RARA: variants seen among roughly 807,000 people sequenced by gnomAD.
RARA encodes the protein PML-DDX5-RARA fusion.
RARA carries 5 observed loss-of-function variants against 42.8 expected under a neutral mutation model. The observed-to-expected ratio is 0.12, with a 90% CI of 0.06 to 0.25. RARA has a LOEUF of 0.25. Ranked by LOEUF, RARA falls within the 10% of genes least tolerant of loss-of-function variation. RARA has a pLI of 1.00. For synonymous variants in RARA, 256 were observed against 259.5 expected, an observed-to-expected ratio of 0.99 and a Z score of 0.13; for missense variants, 402 against 628.7, an observed-to-expected ratio of 0.64 and a Z score of 3.86.
In RARA at chr17:40,355,134, C is replaced by A. The variant is rs1400650949; in HGVS notation, c.1013-129C>A. On this transcript the variant is annotated intron_variant, in intron 7 of 8. Coordinates refer to ENST00000254066, the MANE Select transcript of RARA (RefSeq NM_000964.4). This position sits in a 1 kb window ranked among gnomAD's most constrained non-coding sequence, Gnocchi z 4.1. ...CCCTGCGGCAGCAGAGACCCCATGC[C>A]CTGCCCTGTGTGGGGAGGCGCCTGC... is the stretch of plus-strand genomic sequence containing the variant. The A allele has an allele frequency of 5.1e-6, 6 of 1,177,566 alleles. No individual in the cohort carries two copies. The Admixed American group carries it at 1.7e-4, about 33-fold the overall frequency. 72.9% of individuals were successfully genotyped at this position (1,177,566 alleles called of 1,614,324 possible). A position where few individuals can be genotyped will look rare whatever the true frequency, so the allele number is the denominator to read the frequency against.
Position 40,331,348 on chromosome 17 carries a change from C to A in RARA, c.130C>A (p.Leu44Ile). 1 of 1,614,108 alleles carries A rather than the reference C, an allele frequency of 6.2e-7. No individual in the cohort carries two copies. The highest frequency in any genetic ancestry group is 1.7e-5 in the Admixed American group (1 of 60,016). Residue 44 changes from leucine to isoleucine, a missense_variant, in exon 2 of 9, where the codon CTC (leucine) becomes ATC (isoleucine). By Grantham distance (5) the Leu-to-Ile change is conservative (BLOSUM62 2). Coordinates refer to ENST00000254066, the MANE Select transcript of RARA (RefSeq NM_000964.4). ...CTCCCCGCCAGGCGCTCTGACCACT[C>A]TCCAGCACCAGCTTCCAGTTAGTGG... ...GLSPPGALTT[L>I]QHQLPVSGYS...
chr17:40,343,692 C>A (rs558729354), intron 2 of RARA, among the ~76,000 whole-genome samples: 3 of 152,254 alleles, frequency 2.0e-5, no homozygotes, highest in South Asian at 2.1e-4. Context: ...GCTCCGCCAC[C>A]GAGTCCTTTT....
chr17:40,347,955 C>CG (rs1399190999), intron 2 of RARA: 20 of 192,360 alleles, frequency 1.0e-4, no homozygotes, highest in African/African-American at 1.9e-4. Context: ...CTTCCTAACT[C>CG]GGGGGGAGAA....
intron 1 of RARA, among the ~76,000 whole-genome samples, chr17:40,314,924 G>A (rs1340068569): frequency 6.6e-6 from 1 of 151,682 alleles, no homozygotes; most frequent in East Asian, 1.9e-4. Flanking sequence ...TCTCTCTCTG[G>A]CATGTCCTGG....
At chr17:40,315,056 T>C (rs561765358) in intron 1 of RARA, among the ~76,000 whole-genome samples, 1 of 146,124 alleles carries the variant, frequency 6.8e-6, no homozygotes, top group South Asian at 2.2e-4. Context: ...TTGGAGTAAG[T>C]AGGGGAGGAA....
Position 40,354,165 on chromosome 17 carries a change from T to A in RARA, c.808-137T>A. ...CAGACGTAGAACCTTTCCATCATTG[T>A]AGAAAATTCTATCAGACAGCATTGC... On this transcript the variant is annotated intron_variant, in intron 6 of 8. Coordinates refer to ENST00000254066, the MANE Select transcript of RARA (RefSeq NM_000964.4). The surrounding 1 kb of genome is among the most constrained non-coding windows in gnomAD (Gnocchi z 4.5). 1.3e-6 allele frequency: 1 copy of A among 768,330 alleles called. No individual in the cohort carries two copies. Among genetic ancestry groups the A allele is most frequent in the South Asian group, 1.8e-5 (1 of 56,920 alleles). 47.6% of individuals were successfully genotyped at this position (768,330 alleles called of 1,614,324 possible).
chr17:40,319,178 G>C (rs1000886106), intron 1 of RARA, among the ~76,000 whole-genome samples: 1 of 152,162 alleles, frequency 6.6e-6, no homozygotes, highest in African/African-American at 2.4e-5. Context: ...TGTGGGGTTG[G>C]GGGGACGGCT....
At chr17:40,353,432 C>T (rs145639626) in intron 6 of RARA, among the ~76,000 whole-genome samples, 44 of 152,250 alleles carry the variant, frequency 2.9e-4, no homozygotes, top group East Asian at 2.3e-3. Context: ...TGGGATTTGA[C>T]GAGACTGTCA....
intron 1 of RARA, among the ~76,000 whole-genome samples, chr17:40,314,221 G>A (rs1423430930): frequency 6.6e-6 from 1 of 150,806 alleles, no homozygotes; most frequent in Non-Finnish European, 1.5e-5. Context: ...GAAGGGATTG[G>A]GTGACAGCCC....
intron 2 of RARA, among the ~76,000 whole-genome samples, chr17:40,346,432 T>C (rs574423387): frequency 6.5e-4 from 99 of 152,206 alleles, no homozygotes; most frequent in African/African-American, 2.2e-3. Context: ...CAGTGCCTTC[T>C]TCCTCTGCTT....
chr17:40,341,463 G>A (rs1182332424), intron 2 of RARA: 3 of 1,515,886 alleles, frequency 2.0e-6, no homozygotes, highest in Non-Finnish European at 2.6e-6. Flanking sequence ...TGTCACACCC[G>A]GGTGCCAAAC....
chr17:40,355,286 G>A lies in RARA; in HGVS notation c.1036G>A (p.Asp346Asn). 1 of 1,590,022 alleles carries A rather than the reference G, an allele frequency of 6.3e-7. No homozygotes were observed. Among genetic ancestry groups the A allele is most frequent in the Non-Finnish European group, 8.6e-7 (1 of 1,167,874 alleles). ...AGACCGCCAGGACCTGGAGCAGCCG[G>A]ACCGGGTGGACATGCTGCAGGAGCC... is the stretch of plus-strand genomic sequence containing the variant. ...CGDRQDLEQP[D>N]RVDMLQEPLL... is the part of the protein sequence containing the mutation. Residue 346 changes from aspartate (D) to asparagine (N), a missense_variant, in exon 8 of 9, where the codon GAC (aspartate) becomes AAC (asparagine). Physicochemically the swap from Asp to Asn is conservative, Grantham distance 23 (BLOSUM62 1). Coordinates refer to ENST00000254066, the MANE Select transcript of RARA (RefSeq NM_000964.4). This position sits in a 1 kb window ranked among gnomAD's most constrained non-coding sequence, Gnocchi z 4.1.
chr17:40,332,328 C>T (rs922962645), intron 2 of RARA, among the ~76,000 whole-genome samples: 3 of 152,104 alleles, frequency 2.0e-5, no homozygotes, highest in African/African-American at 4.8e-5. Context: ...GCTGGCTGGC[C>T]GGCTGGTCAG....
In RARA at chr17:40,352,666, T is replaced by A. The variant is rs1467950972; in HGVS notation, c.807+159T>A. Reference sequence around the variant, plus strand: ...CTTCCTCTCCCCATATGTCCACCTGTCCACTCGTCTCCCTGTCCACTCAGC... The same window carrying A: ...CTTCCTCTCCCCATATGTCCACCTGACCACTCGTCTCCCTGTCCACTCAGC... On this transcript the variant is annotated intron_variant, in intron 6 of 8. Coordinates refer to ENST00000254066, the MANE Select transcript of RARA (RefSeq NM_000964.4). This position sits in a 1 kb window ranked among gnomAD's most constrained non-coding sequence, Gnocchi z 4.9. 1.3e-5 allele frequency among the ~76,000 whole-genome samples: 2 copies of A among 152,154 alleles called. No individual in the cohort carries two copies. The highest frequency in any genetic ancestry group is 2.9e-5 in the Non-Finnish European group (2 of 68,022).
intron 3 of RARA, chr17:40,349,484 T>G (rs2143470494): frequency 3.1e-6 from 1 of 322,198 alleles, no homozygotes; most frequent in African/African-American, 2.1e-5. Context: ...GTCTTCCTAT[T>G]TCTGACTCAC....
chr17:40,341,875 C>A, intron 2 of RARA: 1 of 1,020,426 alleles, frequency 9.8e-7, no homozygotes, highest in East Asian at 3.3e-5. Flanking sequence ...CTTGTCCCCT[C>A]GCAGCCCCCT....
intron 2 of RARA, among the ~76,000 whole-genome samples, chr17:40,335,267 G>A (rs768139735): frequency 1.1e-4 from 17 of 152,226 alleles, no homozygotes; most frequent in Middle Eastern, 3.4e-3. Context: ...GTGGTCTTTC[G>A]TTTGGGTTCT....
chr17:40,350,196 G>A (rs756378773), intron 4 of RARA: 166 of 478,968 alleles, frequency 3.5e-4, no homozygotes, highest in Non-Finnish European at 5.5e-4. Flanking sequence ...GTGTGCTTGC[G>A]TATGTGTGTG....
chr17:40,315,115 T>C (rs2033169189), intron 1 of RARA, among the ~76,000 whole-genome samples: 1 of 132,712 alleles, frequency 7.5e-6, no homozygotes, highest in Non-Finnish European at 1.6e-5. Context: ...TATATATATA[T>C]ATATATGCTT....
Sources: gnomAD v4.1 joint callset for allele counts (sites outside exome capture counted in the v4.1 genomes callset) on GRCh38, gnomAD v4.1.1 for gene constraint, Gnocchi (gnomAD v3.1) non-coding constraint, MANE v1.5 for transcripts, NCBI Gene and HGNC (gene_info 2026-07-23, HGNC 2026-07-21) for gene names.